Variants in METTL24 observed in about 807,000 individuals in gnomAD.
METTL24 encodes the protein methyltransferase like 24.
A neutral mutation model predicts 32.7 loss-of-function variants in METTL24; 29 were observed. The ratio of observed to expected loss-of-function variants is 0.89; its 90% CI spans 0.66 to 1.21. The LOEUF (loss-of-function observed/expected upper bound fraction) is 1.21, where lower values mean the gene tolerates loss of function less well. METTL24 is among the 50% of genes most tolerant of loss of function. The probability of loss-of-function intolerance (pLI) is 0.00; values close to 1 mark genes in which losing one functional copy is unlikely to be tolerated. For missense variants in METTL24, 439 were observed against 468.1 expected, an observed-to-expected ratio of 0.94 and a Z score of 0.57; for synonymous variants, 163 against 179.5, an observed-to-expected ratio of 0.91 and a Z score of 0.73.
At chr6:110,252,147 A>C (rs1003477064) in intron 4 of METTL24, among the ~76,000 whole-genome samples, 1 of 152,182 alleles carries the variant, frequency 6.6e-6, no homozygotes, top group Non-Finnish European at 1.5e-5. Flanking sequence ...CTTCCTTAAA[A>C]AACAAAACAA....
chr6:110,284,632 T>C (rs1272546561), intron 4 of METTL24, among the ~76,000 whole-genome samples: 4 of 152,200 alleles, frequency 2.6e-5, no homozygotes, highest in African/African-American at 7.2e-5. Context: ...TTTCTTATTA[T>C]GGTTGAATTT....
At chr6:110,253,948 A>G in intron 4 of METTL24, 1 of 1,450,038 alleles carries the variant, frequency 6.9e-7, no homozygotes, top group Non-Finnish European at 9.1e-7. Context: ...GGTGAGGAGG[A>G]TGGCAAGTGG....
chr6:110,321,134 G>T (rs1334119262), intron 2 of METTL24, among the ~76,000 whole-genome samples: 1 of 152,140 alleles, frequency 6.6e-6, no homozygotes, highest in African/African-American at 2.4e-5. Flanking sequence ...CTACTCGGGA[G>T]GCTGAGGCAG....
chr6:110,264,415 C>A (rs1770814108), intron 4 of METTL24, among the ~76,000 whole-genome samples: 1 of 152,144 alleles, frequency 6.6e-6, no homozygotes, highest in South Asian at 2.1e-4. Context: ...ATCAAAACCA[C>A]AATGAGATAT....
intron 4 of METTL24, among the ~76,000 whole-genome samples, chr6:110,290,903 G>A (rs1038201297): frequency 2.0e-5 from 3 of 152,038 alleles, no homozygotes; most frequent in African/African-American, 4.8e-5. Flanking sequence ...AGCCATTTTG[G>A]TAGTTATGAA....
At chr6:110,317,924 AGATGGCCT>A (rs1234298592) in intron 2 of METTL24, among the ~76,000 whole-genome samples, 8 of 152,194 alleles carry the variant, frequency 5.3e-5, no homozygotes, top group Non-Finnish European at 1.2e-4. Flanking sequence ...ATTTTTATGC[AGATGGCCT>A]TTTGAGTTTA....
chr6:110,346,234 C>T (rs184481264), intron 1 of METTL24, among the ~76,000 whole-genome samples: 1 of 152,332 alleles, frequency 6.6e-6, no homozygotes, highest in East Asian at 1.9e-4. Flanking sequence ...ATAGAAACAA[C>T]CATTCTTTCA....
chr6:110,311,605 C>T (rs1442152399), intron 3 of METTL24, among the ~76,000 whole-genome samples: 3 of 151,228 alleles, frequency 2.0e-5, no homozygotes, highest in Non-Finnish European at 4.4e-5. Context: ...TCCTGAGTAG[C>T]TGGAACAAGA....
At chr6:110,328,471 G>A (rs537640265) in intron 1 of METTL24, among the ~76,000 whole-genome samples, 44 of 152,264 alleles carry the variant, frequency 2.9e-4, no homozygotes, top group East Asian at 7.7e-4. Flanking sequence ...TCTACTTCCC[G>A]AAGGGTAAAA....
At chr6:110,267,775 T>G (rs1770882751) in intron 4 of METTL24, among the ~76,000 whole-genome samples, 1 of 152,200 alleles carries the variant, frequency 6.6e-6, no homozygotes, top group Non-Finnish European at 1.5e-5. Flanking sequence ...AGCATGCCAC[T>G]GGCATCTGCT....
At chr6:110,268,194 A>T (rs1052374832) in intron 4 of METTL24, among the ~76,000 whole-genome samples, 5 of 152,328 alleles carry the variant, frequency 3.3e-5, no homozygotes, top group Admixed American at 1.3e-4. Context: ...ACTGAGGCCC[A>T]AAAAGGTCAT....
chr6:110,309,017 T>C (rs1304541568), intron 3 of METTL24, among the ~76,000 whole-genome samples: 1 of 152,160 alleles, frequency 6.6e-6, no homozygotes, highest in Non-Finnish European at 1.5e-5. Context: ...GGCTTCTTTT[T>C]TGGGGTAATG....
intron 4 of METTL24, among the ~76,000 whole-genome samples, chr6:110,295,446 A>G (rs1312614605): frequency 6.6e-6 from 1 of 152,186 alleles, no homozygotes; most frequent in Non-Finnish European, 1.5e-5. Flanking sequence ...GAAGGAAGAC[A>G]CAGTTCCCTG....
At chr6:110,275,499 G>C (rs555646396) in intron 4 of METTL24, among the ~76,000 whole-genome samples, 2 of 151,816 alleles carry the variant, frequency 1.3e-5, no homozygotes, top group South Asian at 4.2e-4. Flanking sequence ...CTTCCTCTAT[G>C]CCCCCTCCTT....
chr6:110,309,269 T>A (rs1292736104), intron 3 of METTL24, among the ~76,000 whole-genome samples: 5 of 152,156 alleles, frequency 3.3e-5, no homozygotes. Flanking sequence ...CCATTCTTCA[T>A]CCTAGCAGGA....
intron 1 of METTL24, among the ~76,000 whole-genome samples, chr6:110,353,920 G>A (rs1259420394): frequency 6.6e-6 from 1 of 151,862 alleles, no homozygotes; most frequent in Non-Finnish European, 1.5e-5. Context: ...CATAGTAAAG[G>A]TCTGTTTCAT....
chr6:110,247,198 C>T (rs1778183298), intron 4 of METTL24, among the ~76,000 whole-genome samples: 1 of 152,138 alleles, frequency 6.6e-6, no homozygotes, highest in Non-Finnish European at 1.5e-5. Flanking sequence ...AAGGGCTTCC[C>T]CTTGCAATAT....
chr6:110,261,246 A>G (rs1474778598), intron 4 of METTL24, among the ~76,000 whole-genome samples: 1 of 152,226 alleles, frequency 6.6e-6, no homozygotes, highest in Non-Finnish European at 1.5e-5. Context: ...AGACACATAT[A>G]GGCTCAAAAT....
At chr6:110,263,828 C>A (rs1770801805) in intron 4 of METTL24, among the ~76,000 whole-genome samples, 1 of 152,178 alleles carries the variant, frequency 6.6e-6, no homozygotes, top group Admixed American at 6.5e-5. Flanking sequence ...ATATCTACAA[C>A]TATCTGATCT....
Sources: gnomAD v4.1 joint callset for allele counts (sites outside exome capture counted in the v4.1 genomes callset) on GRCh38, gnomAD v4.1.1 for gene constraint, MANE v1.5 for transcripts, NCBI Gene and HGNC (gene_info 2026-07-23, HGNC 2026-07-21) for gene names.